EVC2: variants seen among roughly 807,000 people sequenced by gnomAD.
EVC2 encodes limbin.
A neutral mutation model predicts 149.3 loss-of-function variants in EVC2; 148 were observed. That is an observed-to-expected ratio of 0.99 (90% CI 0.87 to 1.14). The LOEUF is 1.14. EVC2 is among the 50% of genes most tolerant of loss of function. EVC2 has a pLI of 0.00. For synonymous variants in EVC2, 776 were observed against 649.9 expected (o/e 1.19, Z -2.95); for missense variants, 1,854 against 1,627.3 (o/e 1.14, Z -2.40).
Position 5,622,070 on chromosome 4 carries a change from C to T in EVC2, c.2501+467G>A, listed in dbSNP as rs1008338557. Reference sequence around the variant, plus strand: ...CTAACACGAAGGTCAAGATCATGAGCAGCCTTGATGCCTGGTGAAACTAGC... The same window carrying T: ...CTAACACGAAGGTCAAGATCATGAGTAGCCTTGATGCCTGGTGAAACTAGC... On this transcript the variant is annotated intron_variant, in intron 14 of 21. Coordinates refer to ENST00000344408, the MANE Select transcript of EVC2 (RefSeq NM_147127.5). This position sits in a 1 kb window ranked among gnomAD's most constrained non-coding sequence, Gnocchi z 5.8. 1.3e-5 allele frequency among the ~76,000 whole-genome samples: 2 copies of T among 152,026 alleles called. No individual in the cohort carries two copies. The highest frequency in any genetic ancestry group is 2.4e-5 in the African/African-American group (1 of 41,360).
chr4:5,547,970 T>C (rs1721652840), intron 21 of EVC2, among the ~76,000 whole-genome samples: 1 of 152,242 alleles, frequency 6.6e-6, no homozygotes, highest in South Asian at 2.1e-4. Flanking sequence ...GTGGCAGCCA[T>C]GGAAGCTACC....
chr4:5,545,058 C>T (rs973371193), intron 21 of EVC2, among the ~76,000 whole-genome samples: 2 of 152,200 alleles, frequency 1.3e-5, no homozygotes, highest in African/African-American at 4.8e-5. Context: ...ACGTTCTATT[C>T]TTCGTGTAGT....
chr4:5,691,882 C>A (rs1017900027), intron 3 of EVC2, among the ~76,000 whole-genome samples: 3 of 152,244 alleles, frequency 2.0e-5, no homozygotes, highest in African/African-American at 7.2e-5. Flanking sequence ...CCATCAAACA[C>A]AAGCCTCCTG....
At position 5,562,588 on chromosome 4, in the gene EVC2, T is replaced by A; in HGVS notation, c.*260A>T. 1 of 1,359,134 alleles carries A rather than the reference T, an allele frequency of 7.4e-7. No homozygotes were observed. Among genetic ancestry groups the A allele is most frequent in the Non-Finnish European group, 9.5e-7 (1 of 1,054,012 alleles). 84.2% of individuals were successfully genotyped at this position (1,359,134 alleles called of 1,614,324 possible). On this transcript the variant is annotated 3_prime_UTR_variant, in exon 22 of 22. Transcript: ENST00000344408. The surrounding 1 kb of genome is among the most constrained non-coding windows in gnomAD (Gnocchi z 4.3). ...TGGGGTGTGGATTGCAGGGTGGGGG[T>A]CTCCTCCAGGGCCCTGGGGAGGTGG...
In EVC2 at chr4:5,622,796, T is replaced by C. The variant is rs773649031; in HGVS notation, c.2242A>G (p.Thr748Ala). 6.2e-6 allele frequency: 10 copies of C among 1,613,952 alleles called. No homozygotes were observed. Among genetic ancestry groups the C allele is most frequent in the South Asian group, 4.4e-5 (4 of 91,066 alleles). ...TTCTGCAGGCGCCGCAGCTCGTCGG[T>C]GGCCTTTTCAAACAGCGAAAGGGTC... Reference protein sequence around the residue: ...TLTLSLFEKATDELRRLQNSA... With the variant: ...TLTLSLFEKAADELRRLQNSA... The change falls in exon 14 of 22, where the codon ACC becomes GCC. Residue 748 changes from threonine (T) to alanine (A), a missense_variant. Physicochemically the swap from Thr to Ala is moderately conservative, Grantham distance 58 (BLOSUM62 0). Coordinates refer to ENST00000344408, the MANE Select transcript of EVC2 (RefSeq NM_147127.5). The surrounding 1 kb of genome is among the most constrained non-coding windows in gnomAD (Gnocchi z 5.8).
At chr4:5,680,298 GT>G (rs1242188959) in intron 7 of EVC2, among the ~76,000 whole-genome samples, 1 of 152,318 alleles carries the variant, frequency 6.6e-6, no homozygotes, top group African/African-American at 2.4e-5. Flanking sequence ...CAAGTATTAT[GT>G]TTTGTACATA....
downstream of EVC2, among the ~76,000 whole-genome samples, chr4:5,560,744 A>G (rs1039594890): frequency 1.3e-5 from 2 of 152,240 alleles, no homozygotes; most frequent in African/African-American, 4.8e-5. This position sits in a 1 kb window ranked among gnomAD's most constrained non-coding sequence, Gnocchi z 4.1. Flanking sequence ...CAGACATAAT[A>G]TCTAGTATCT....
At position 5,640,414 on chromosome 4, in the gene EVC2, C is replaced by T. The variant is rs751842; in HGVS notation, c.1470+100G>A. 561,437 of 1,384,202 alleles carry T rather than the reference C, an allele frequency of 0.41. 115,075 individuals are homozygous for T. The highest frequency in any genetic ancestry group is 0.48 in the Middle Eastern group (2,159 of 4,514). The allele number at this position is 1,384,202 out of a possible 1,614,324, so 85.7% of individuals were successfully genotyped here. On this transcript the variant is annotated intron_variant, in intron 10 of 21. Transcript: ENST00000344408. The surrounding 1 kb of genome is among the most constrained non-coding windows in gnomAD (Gnocchi z 4.6). ...GGTGGTTGGATGGATGATGGGTAGA[C>T]GGATGGAGGAGGCAAATGGACAGAT...
At chr4:5,611,016 G>A (rs1224438125) in intron 16 of EVC2, among the ~76,000 whole-genome samples, 3 of 152,074 alleles carry the variant, frequency 2.0e-5, no homozygotes, top group African/African-American at 7.2e-5. Flanking sequence ...TGGATAAGGT[G>A]GCCCAGTACA....
chr4:5,562,716 G>A lies in EVC2; in HGVS notation c.*132C>T, dbSNP rs1282326678. On this transcript the variant is annotated 3_prime_UTR_variant, in exon 22 of 22. Transcript: ENST00000344408. This position sits in a 1 kb window ranked among gnomAD's most constrained non-coding sequence, Gnocchi z 4.3. ...ACCGAGTCCCTGCAAGTTGGCATGC[G>A]CTACGGGGTCTGTGCCTTCTGCATG... 28 of 1,567,212 alleles carry A rather than the reference G, an allele frequency of 1.8e-5. No homozygotes were observed. Among genetic ancestry groups the A allele is most frequent in the Admixed American group, 7.2e-5 (4 of 55,358 alleles).
At position 5,686,720 on chromosome 4, in the gene EVC2, T is replaced by A. The variant is rs1174950418; in HGVS notation, c.707-1241A>T. ...AAAGCACCAAATAATAATGATGAGGTCAGAATGTCAATGAACTGGGACCTG... is the reference window on the plus strand; with the variant it reads ...AAAGCACCAAATAATAATGATGAGGACAGAATGTCAATGAACTGGGACCTG... On this transcript the variant is annotated intron_variant, in intron 5 of 21. Coordinates refer to ENST00000344408, the MANE Select transcript of EVC2 (RefSeq NM_147127.5). The surrounding 1 kb of genome is among the most constrained non-coding windows in gnomAD (Gnocchi z 5.4). Among the ~76,000 whole-genome samples, 1 of 151,628 alleles carries A rather than the reference T, an allele frequency of 6.6e-6. No homozygotes were observed. Among genetic ancestry groups the A allele is most frequent in the African/African-American group, 2.4e-5 (1 of 41,246 alleles).
intron 9 of EVC2, among the ~76,000 whole-genome samples, chr4:5,646,439 A>G (rs942643961): frequency 6.6e-6 from 1 of 152,110 alleles, no homozygotes; most frequent in Non-Finnish European, 1.5e-5. Context: ...GATCAAATGA[A>G]CTAAACAATC....
At chr4:5,661,889 C>A (rs1442477339) in intron 9 of EVC2, among the ~76,000 whole-genome samples, 1 of 152,222 alleles carries the variant, frequency 6.6e-6, no homozygotes, top group Non-Finnish European at 1.5e-5. Context: ...TTACAGAGAG[C>A]AATACCTACT....
At chr4:5,663,342 G>A in intron 8 of EVC2, 96 bp from the exon 9 acceptor site, 2 of 1,554,076 alleles carry the variant, frequency 1.3e-6, no homozygotes, top group East Asian at 2.3e-5. Context: ...TCTGCAGTCT[G>A]AGCACCCAAT....
At chr4:5,551,057 C>T (rs1003530336) in intron 21 of EVC2, among the ~76,000 whole-genome samples, 1 of 152,186 alleles carries the variant, frequency 6.6e-6, no homozygotes, top group African/African-American at 2.4e-5. Context: ...GGGGTGGGGC[C>T]CTCATGGAGA....
intron 1 of EVC2, among the ~76,000 whole-genome samples, chr4:5,700,367 C>A (rs1342772013): frequency 6.6e-6 from 1 of 151,454 alleles, no homozygotes; most frequent in Non-Finnish European, 1.5e-5. Flanking sequence ...CACCGAACTC[C>A]ACACAAATGT....
chr4:5,598,660 C>T (rs1713682969), intron 16 of EVC2, among the ~76,000 whole-genome samples: 1 of 152,056 alleles, frequency 6.6e-6, no homozygotes, highest in Non-Finnish European at 1.5e-5. Flanking sequence ...TAGGCATGGG[C>T]AAGGACTTCA....
intron 13 of EVC2, among the ~76,000 whole-genome samples, chr4:5,624,210 G>T (rs1022292325): frequency 6.6e-6 from 1 of 152,178 alleles, no homozygotes; most frequent in Admixed American, 6.5e-5. Flanking sequence ...GATGCATAAA[G>T]ATGTCCATTA....
intron 16 of EVC2, among the ~76,000 whole-genome samples, chr4:5,610,794 CTTT>C (rs10690279): frequency 7.9e-5 from 10 of 126,442 alleles, no homozygotes; most frequent in Admixed American, 1.6e-4. Context: ...TTTTCCTTTT[CTTT>C]TTTTTTTTTT....
Sources: allele counts gnomAD v4.1 joint callset (sites outside exome capture counted in the v4.1 genomes callset), GRCh38; gene constraint gnomAD v4.1.1; non-coding constraint Gnocchi (gnomAD v3.1); transcripts MANE v1.5; gene names NCBI Gene and HGNC (gene_info 2026-07-23, HGNC 2026-07-21).